Variants in WWP2 observed in about 807,000 individuals in gnomAD.
WWP2 encodes the protein NEDD4-like E3 ubiquitin-protein ligase WWP2.
In WWP2, 57 loss-of-function variants were observed where a neutral mutation model predicts 121.0. The observed-to-expected ratio is 0.47, with a 90% CI of 0.38 to 0.59. The LOEUF is 0.59. Among genes scored for constraint, WWP2 ranks in the 20% least tolerant of loss-of-function variants. The pLI is 0.00. For missense variants in WWP2, 962 were observed against 1,158.9 expected (o/e 0.83, Z 2.47); for synonymous variants, 449 against 441.3 (o/e 1.02, Z -0.22).
In WWP2 at chr16:69,888,207, A is replaced by G. The variant is rs74460098; in HGVS notation, c.872A>G (p.Gln291Arg). The change falls in exon 8 of 24, where the codon CAG becomes CGG. Residue 291 changes from glutamine (Q) to arginine (R), a missense_variant. Transcript: ENST00000359154. ...GAACCCAGCACTTCGGGTACACAGC[A>G]GCTCCCAGCGGCTGCCCAGGCCCCC... ...GEEPSTSGTQ[Q>R]LPAAAQAPDA... 1.9e-6 allele frequency: 3 copies of G among 1,614,146 alleles called. No individual in the cohort carries two copies. The highest frequency in any genetic ancestry group is 3.3e-5 in the Admixed American group (2 of 60,016).
chr16:69,832,288 C>T (rs762905609), intron 4 of WWP2, among the ~76,000 whole-genome samples: 9 of 152,074 alleles, frequency 5.9e-5, no homozygotes, highest in African/African-American at 1.4e-4. Context: ...CCATCTATGA[C>T]GGGCCATTCC....
chr16:69,765,777 T>C (rs2038714678), intron 1 of WWP2, among the ~76,000 whole-genome samples: 1 of 152,036 alleles, frequency 6.6e-6, no homozygotes, highest in African/African-American at 2.4e-5. Context: ...TGAACCAAGA[T>C]CGCGCCACTG....
chr16:69,831,827 C>T lies in WWP2; in HGVS notation c.341-8299C>T, dbSNP rs138241293. 1.9e-3 allele frequency among the ~76,000 whole-genome samples: 210 copies of T among 109,062 alleles called. 1 individual carries two copies. The highest frequency in any genetic ancestry group is 5.1e-3 in the Middle Eastern group (1 of 196). 71.5% of individuals were successfully genotyped at this position (109,062 alleles called of 152,430 possible). Reference sequence around the variant, plus strand: ...ATGCTGGCATGGAAAAAAACAAAACCTTTTTTTTTTTTTTTTTTTTTGAGA... The same window carrying T: ...ATGCTGGCATGGAAAAAAACAAAACTTTTTTTTTTTTTTTTTTTTTTGAGA... On this transcript the variant is annotated intron_variant, in intron 4 of 23. Transcript: ENST00000359154.
rs532013552 is a variant in WWP2 at position 69,882,323 on chromosome 16, TTTTA to T, written c.704-5712_704-5709del. Among the ~76,000 whole-genome samples the T allele has an allele frequency of 8.5e-5, 13 of 152,356 alleles. No individual in the cohort carries two copies. The South Asian group carries it at 2.7e-3, about 32-fold the overall frequency. On this transcript the variant is annotated intron_variant, in intron 7 of 23. Transcript: ENST00000359154. ...GGTGGTTTTATTTCAAATATCTTTC[TTTTA>T]TTTTTTAGTTTTTAATTTTTTTTAT...
chr16:69,817,312 G>A (rs990025643), intron 4 of WWP2, among the ~76,000 whole-genome samples: 6 of 152,106 alleles, frequency 3.9e-5, no homozygotes, highest in South Asian at 2.1e-4. Flanking sequence ...GCAGTGGTGC[G>A]ATGTTGGCTC....
At chr16:69,906,548 T>C (rs1183705470) in intron 8 of WWP2, among the ~76,000 whole-genome samples, 2 of 152,252 alleles carry the variant, frequency 1.3e-5, no homozygotes, top group African/African-American at 4.8e-5. Context: ...AGCTCTGCTA[T>C]AACATATGTG....
chr16:69,832,395 C>G (rs530512922), intron 4 of WWP2, among the ~76,000 whole-genome samples: 1 of 152,198 alleles, frequency 6.6e-6, no homozygotes, highest in East Asian at 1.9e-4. Flanking sequence ...GTGTATTTCT[C>G]TAAAAGATAA....
chr16:69,939,642 G>A (rs997853430), intron 23 of WWP2, among the ~76,000 whole-genome samples, 199 bp from the exon 24 acceptor site: 1 of 152,082 alleles, frequency 6.6e-6, no homozygotes, highest in African/African-American at 2.4e-5. Flanking sequence ...AGTGTCCCCC[G>A]CAACCAATTT....
At chr16:69,834,816 T>C (rs1448005173) in intron 4 of WWP2, among the ~76,000 whole-genome samples, 2 of 151,608 alleles carry the variant, frequency 1.3e-5, no homozygotes, top group African/African-American at 4.9e-5. Flanking sequence ...ACGTGAGCCA[T>C]GGCGCCCAGC....
At chr16:69,931,369 C>A in intron 14 of WWP2, 140 bp from the exon 15 acceptor site, 2 of 1,463,742 alleles carry the variant, frequency 1.4e-6, no homozygotes, top group East Asian at 4.6e-5. Flanking sequence ...CTGGCTGTCT[C>A]TAGGAAGCTA....
chr16:69,762,806 A>G (rs1004148194), intron 1 of WWP2, among the ~76,000 whole-genome samples: 32 of 152,170 alleles, frequency 2.1e-4, no homozygotes, highest in Non-Finnish European at 2.9e-4. Context: ...GCCAGAGGGA[A>G]AAAGATGCTG....
At chr16:69,933,870 C>A in intron 16 of WWP2, 100 bp from the exon 17 acceptor site, 2 of 1,404,442 alleles carry the variant, frequency 1.4e-6, no homozygotes, top group South Asian at 2.6e-5. Context: ...ACACGTGTCC[C>A]CATACTAACC....
At chr16:69,921,082 C>T (rs1368149054) in intron 10 of WWP2, among the ~76,000 whole-genome samples, 1 of 152,148 alleles carries the variant, frequency 6.6e-6, no homozygotes, top group African/African-American at 2.4e-5. Flanking sequence ...CTCAGGCTCG[C>T]TGGGGATGTG....
intron 6 of WWP2, among the ~76,000 whole-genome samples, chr16:69,848,948 T>C (rs2057144346): frequency 6.6e-6 from 1 of 152,254 alleles, no homozygotes; most frequent in Non-Finnish European, 1.5e-5. Context: ...ACTCCTTTAC[T>C]CTTCTTTTTT....
intron 7 of WWP2, among the ~76,000 whole-genome samples, chr16:69,873,879 G>A (rs1404866079): frequency 6.6e-6 from 1 of 152,190 alleles, no homozygotes; most frequent in Non-Finnish European, 1.5e-5. Flanking sequence ...GATGGTCCTT[G>A]AGTCACTCTT....
chr16:69,816,233 G>A (rs1048900366), intron 4 of WWP2, among the ~76,000 whole-genome samples: 12 of 151,350 alleles, frequency 7.9e-5, no homozygotes, highest in Admixed American at 2.6e-4. Flanking sequence ...TTAATATTTT[G>A]TATGACTGTA....
intron 4 of WWP2, among the ~76,000 whole-genome samples, chr16:69,813,964 C>A (rs1273887315): frequency 6.6e-6 from 1 of 152,160 alleles, no homozygotes; most frequent in East Asian, 1.9e-4. Context: ...GCATTAAGAT[C>A]ATCAGCTAAC....
chr16:69,869,972 G>T (rs1050528903), intron 6 of WWP2, among the ~76,000 whole-genome samples: 1 of 152,030 alleles, frequency 6.6e-6, no homozygotes, highest in Non-Finnish European at 1.5e-5. Flanking sequence ...TTGTCCAAAT[G>T]ACCAACAAAA....
At chr16:69,856,573 G>A (rs935180975) in intron 6 of WWP2, among the ~76,000 whole-genome samples, 2 of 152,090 alleles carry the variant, frequency 1.3e-5, no homozygotes, top group African/African-American at 2.4e-5. Flanking sequence ...TCGGGAGATC[G>A]AGACCATCCT....
Sources: gnomAD v4.1 joint callset for allele counts (sites outside exome capture counted in the v4.1 genomes callset) on GRCh38, gnomAD v4.1.1 for gene constraint, MANE v1.5 for transcripts, NCBI Gene and HGNC (gene_info 2026-07-23, HGNC 2026-07-21) for gene names.